FTCD: variants seen among roughly 807,000 people sequenced by gnomAD.
FTCD encodes formimidoyltransferase cyclodeaminase.
FTCD carries 76 observed loss-of-function variants against 62.9 expected under a neutral mutation model. The observed-to-expected ratio is 1.21, with a 90% CI of 1.00 to 1.46. The LOEUF (loss-of-function observed/expected upper bound fraction) is 1.46, where lower values mean the gene tolerates loss of function less well. Among genes scored for constraint, FTCD ranks in the 40% most tolerant of loss-of-function variants. FTCD has a pLI of 0.00. For synonymous variants in FTCD, 397 were observed against 336.9 expected (o/e 1.18, Z -1.95); for missense variants, 845 against 751.3 (o/e 1.12, Z -1.46).
At chr21:46,141,648 C>T (rs2079009411) in intron 10 of FTCD, among the ~76,000 whole-genome samples, 1 of 151,770 alleles carries the variant, frequency 6.6e-6, no homozygotes, top group South Asian at 2.1e-4. Flanking sequence ...AGAAGCCCCA[C>T]ACGCAAAGTC....
Position 46,152,975 on chromosome 21 carries a change from C to T in FTCD, c.299G>A (p.Ser100Asn). 6.4e-7 allele frequency: 1 copy of T among 1,555,670 alleles called. No individual in the cohort carries two copies. Among genetic ancestry groups the T allele is most frequent in the Non-Finnish European group, 8.7e-7 (1 of 1,149,752 alleles). ...GGCGCAGAGCACACACTCATCCACG[C>T]TGACGCCCCTCACGGGGATGAAGGG... Reference protein sequence around the residue: ...VCPFIPVRGVSVDECVLCAQA... With the variant: ...VCPFIPVRGVNVDECVLCAQA... Residue 100 changes from serine to asparagine, a missense_variant, in exon 3 of 14, where the codon AGC becomes AAC. Physicochemically the swap from Ser to Asn is conservative, Grantham distance 46. Coordinates refer to ENST00000397746, the MANE Select transcript of FTCD (RefSeq NM_206965.2).
At position 46,137,306 on chromosome 21, in the gene FTCD, ACG is replaced by A. The variant is rs2078892192; in HGVS notation, c.1470_1471del (p.Phe492TrpfsTer19). The stretch of plus-strand genomic sequence containing the variant: ...GAGCACGTTGAAATATGCGCCAAAC[ACG>A]CCCATCTCCAGGGCTTTGGCCGCCA... On this transcript the variant is annotated frameshift_variant, in exon 13 of 14. Coordinates refer to ENST00000397746, the MANE Select transcript of FTCD (RefSeq NM_206965.2). LOFTEE classifies it high-confidence loss of function. The A allele has an allele frequency of 6.2e-7, 1 of 1,613,646 alleles. No homozygotes were observed. The highest frequency in any genetic ancestry group is 1.3e-5 in the African/African-American group (1 of 74,898).
intron 5 of FTCD, 103 bp downstream of exon 5, chr21:46,151,455 G>T: frequency 1.0e-6 from 1 of 965,398 alleles, no homozygotes; most frequent in Non-Finnish European, 1.5e-6. Context: ...ACCCTGTCCG[G>T]CCGGTGCCCC....
intron 9 of FTCD, 60 bp downstream of exon 9, chr21:46,145,758 T>G: frequency 8.8e-6 from 2 of 227,156 alleles, no homozygotes; most frequent in South Asian, 6.4e-5. Context: ...ACAGCGCCCT[T>G]CCCCCTCCCC....
chr21:46,142,617 G>C (rs1292806837), intron 10 of FTCD: 1 of 152,264 alleles, frequency 6.6e-6, no homozygotes, highest in Non-Finnish European at 1.5e-5. Flanking sequence ...TAAAGGTAGC[G>C]AAGGCCCAAA....
In FTCD at chr21:46,152,363, A is replaced by T. The variant is rs139011573; in HGVS notation, c.368-383T>A. 4 of 231,962 alleles carry T rather than the reference A, an allele frequency of 1.7e-5. No individual in the cohort carries two copies. In the East Asian group the frequency reaches 3.0e-4, roughly 17 times the overall value. 14.4% of individuals were successfully genotyped at this position (231,962 alleles called of 1,614,324 possible). A position where few individuals can be genotyped will look rare whatever the true frequency, so the allele number is the denominator to read the frequency against. On this transcript the variant is annotated intron_variant, in intron 3 of 13. Coordinates refer to ENST00000397746, the MANE Select transcript of FTCD (RefSeq NM_206965.2). ...ACTCGTGAACCCGCACACCAGTGTG[A>T]CTGTGACGTGGGCCCTGCGTCGGGA...
At chr21:46,152,283 A>G (rs1349010023) in intron 3 of FTCD, 1 of 385,080 alleles carries the variant, frequency 2.6e-6, no homozygotes, top group African/African-American at 2.1e-5. Flanking sequence ...TTTTCTTTGT[A>G]TGATAAACAG....
rs2079278107 is a variant in FTCD at position 46,151,641 on chromosome 21, A to G, written c.553T>C (p.Phe185Leu). 1 of 1,612,972 alleles carries G rather than the reference A, an allele frequency of 6.2e-7. No individual in the cohort carries two copies. The highest frequency in any genetic ancestry group is 8.5e-7 in the Non-Finnish European group (1 of 1,179,968). The change falls in exon 5 of 14, where the codon TTT becomes CTT. Residue 185 changes from phenylalanine to leucine, a missense_variant. Coordinates refer to ENST00000397746, the MANE Select transcript of FTCD (RefSeq NM_206965.2). ...ATGARKFLIAFNINLLGTKEQ... is the reference protein window; with the variant it reads ...ATGARKFLIALNINLLGTKEQ... Reference sequence around the variant, plus strand: ...TTTGTGCCGAGCAGGTTGATGTTAAAAGCAATGAGGAACTTCCTCGCCCCC... The same window carrying G: ...TTTGTGCCGAGCAGGTTGATGTTAAGAGCAATGAGGAACTTCCTCGCCCCC...
chr21:46,143,463 TAAC>T (rs1043616403), intron 10 of FTCD, among the ~76,000 whole-genome samples: 5 of 149,338 alleles, frequency 3.3e-5, no homozygotes, highest in African/African-American at 1.2e-4. Flanking sequence ...ATATATAAAA[TAAC>T]AAGAGTTGTA....
At position 46,151,801 on chromosome 21, in the gene FTCD, C is replaced by T. The variant is rs111848544; in HGVS notation, c.457-64G>A. On this transcript the variant is annotated intron_variant, in intron 4 of 13. Coordinates refer to ENST00000397746, the MANE Select transcript of FTCD (RefSeq NM_206965.2). ...GGGAGGGAACAGCCCCCCGGGGTCC[C>T]GGGAAGGAGGGGCCCGGCCCAGCCA... 2,158 of 1,595,144 alleles carry T rather than the reference C, an allele frequency of 1.4e-3. 4 individuals carry two copies. Among genetic ancestry groups the T allele is most frequent in the Admixed American group, 2.9e-3 (169 of 58,476 alleles).
chr21:46,153,518 A>G (rs2079353768), intron 2 of FTCD, among the ~76,000 whole-genome samples: 1 of 152,166 alleles, frequency 6.6e-6, no homozygotes, highest in African/African-American at 2.4e-5. Flanking sequence ...TCACTAGCTG[A>G]GTCCCTCGCT....
intron 3 of FTCD, chr21:46,152,255 A>G (rs1039737465): frequency 3.0e-5 from 13 of 439,312 alleles, no homozygotes; most frequent in African/African-American, 2.0e-4. Flanking sequence ...TGCTAACGGC[A>G]GGACGTTCAT....
chr21:46,152,883 AGGGGGGCG>A lies in FTCD; in HGVS notation c.367+16_367+23del. 2 of 742,852 alleles carry A rather than the reference AGGGGGGCG, an allele frequency of 2.7e-6. No homozygotes were observed. Among genetic ancestry groups the A allele is most frequent in the Non-Finnish European group, 1.8e-6 (1 of 560,086 alleles). 46.0% of individuals were successfully genotyped at this position (742,852 alleles called of 1,614,324 possible). A position where few individuals can be genotyped will look rare whatever the true frequency, so the allele number is the denominator to read the frequency against. On this transcript the variant is annotated intron_variant, in intron 3 of 13. Transcript: ENST00000397746. ...ACACCAATGAGACGGGAGCAGAGTG[AGGGGGGCG>A]GGGGGGCACGCTCACCTGGCACGTC...
rs1287177405 is a variant in FTCD, at chr21:46,150,184, C to A, written c.841G>T (p.Ala281Ser). 3 of 1,609,890 alleles carry A rather than the reference C, an allele frequency of 1.9e-6. No individual in the cohort carries two copies. The South Asian group carries it at 3.3e-5, about 18-fold the overall frequency. ...TCCTTCTCGCAGTAGAAGGCGGCCGCATCCAGCAGAGCCTTCAGGGGCACC... is the reference window on the plus strand; with the variant it reads ...TCCTTCTCGCAGTAGAAGGCGGCCGAATCCAGCAGAGCCTTCAGGGGCACC... ...GLVPLKALLD[A>S]AAFYCEKENL... The change falls in exon 7 of 14, where the codon GCG becomes TCG. Residue 281 changes from alanine (A) to serine (S), a missense_variant. Physicochemically the swap from Ala to Ser is moderately conservative, Grantham distance 99. Transcript: ENST00000397746.
Position 46,150,352 on chromosome 21 carries a change from G to A in FTCD, c.774+36C>T, listed in dbSNP as rs55761347. ...CCCTGCCCACGGGACAGATCGGCTC[G>A]CCCCTCACAGCAGCAGCGGCTGCTC... On this transcript the variant is annotated intron_variant, in intron 6 of 13. Transcript: ENST00000397746. 119,053 of 1,591,884 alleles carry A rather than the reference G, an allele frequency of 0.075. 5,617 individuals carry two copies. The highest frequency in any genetic ancestry group is 0.2 in the South Asian group (17,319 of 87,676).
intron 10 of FTCD, among the ~76,000 whole-genome samples, chr21:46,144,393 CCTCT>C (rs1168484854): frequency 7.6e-6 from 1 of 130,928 alleles, no homozygotes; most frequent in Non-Finnish European, 1.7e-5. Flanking sequence ...TCTCTCCCTC[CCTCT>C]CTCTCCACCT....
chr21:46,145,684 T>A, intron 9 of FTCD, 106 bp from the exon 10 acceptor site: 1 of 481,656 alleles, frequency 2.1e-6, no homozygotes, highest in Non-Finnish European at 2.6e-6. Flanking sequence ...CCCACCCGTG[T>A]GGCCCCCACG....
Position 46,138,520 on chromosome 21 carries a change from C to T in FTCD, c.1431G>A (p.Arg477=), listed in dbSNP as rs1426261095. ...ELARCGNLAC[R]SDLQVAAKAL... Reference sequence around the variant, plus strand: ...CGGGCCCCCCTACCTGGAGGTCTGACCGGCAGGCCAGGTTCCCACACCGGG... The same window carrying T: ...CGGGCCCCCCTACCTGGAGGTCTGATCGGCAGGCCAGGTTCCCACACCGGG... The change falls in exon 12 of 14, where the codon CGG becomes CGA. Residue 477 remains arginine, a synonymous_variant. Transcript: ENST00000397746. 6.3e-7 allele frequency: 1 copy of T among 1,586,100 alleles called. No individual in the cohort carries two copies. The highest frequency in any genetic ancestry group is 8.5e-7 in the Non-Finnish European group (1 of 1,173,224).
intron 7 of FTCD, among the ~76,000 whole-genome samples, 179 bp downstream of exon 7, chr21:46,149,936 CACAA>C: frequency 6.6e-6 from 1 of 151,738 alleles, no homozygotes; most frequent in African/African-American, 2.4e-5. Context: ...TATCATAGGT[CACAA>C]AAAAACCTCA....
Sources: gnomAD v4.1 joint callset for allele counts (sites outside exome capture counted in the v4.1 genomes callset) on GRCh38, gnomAD v4.1.1 for gene constraint, MANE v1.5 for transcripts, NCBI Gene and HGNC (gene_info 2026-07-23, HGNC 2026-07-21) for gene names.